Variants in ZGRF1 observed in about 807,000 individuals in gnomAD.
ZGRF1 encodes the protein 5'-3' DNA helicase ZGRF1.
Under a neutral mutation model 203.5 loss-of-function variants are expected in ZGRF1, and 196 were observed. The ratio of observed to expected loss-of-function variants is 0.96; its 90% confidence interval spans 0.86 to 1.08. The LOEUF is 1.08. ZGRF1 is among the 50% of genes least tolerant of loss of function. The pLI is 0.00. For missense variants in ZGRF1, 2,326 were observed against 2,416.3 expected, an observed-to-expected ratio of 0.96 and a Z score of 0.78; for synonymous variants, 809 against 841.3, an observed-to-expected ratio of 0.96 and a Z score of 0.66.
At chr4:112,631,575 G>A (rs2047411068) in intron 3 of ZGRF1, among the ~76,000 whole-genome samples, 1 of 152,098 alleles carries the variant, frequency 6.6e-6, no homozygotes, top group South Asian at 2.1e-4. Flanking sequence ...GGGAGGCTGA[G>A]GCAGGAGAAT....
At position 112,617,952 on chromosome 4, in the gene ZGRF1, T is replaced by C. The variant is rs921759801; in HGVS notation, c.2090A>G (p.Gln697Arg). The stretch of plus-strand genomic sequence containing the variant: ...AAATAGATTACTGTTTTCAGCAATC[T>C]GGTTTTGAATATGAGGAATATGTAA... ...MNLHIPHIQN[Q>R]IAENSNLFSE... The change falls in exon 6 of 28, where the codon CAG becomes CGG. Residue 697 changes from glutamine to arginine, a missense_variant. Physicochemically the swap from Gln to Arg is conservative, Grantham distance 43. Coordinates refer to ENST00000505019, the MANE Select transcript of ZGRF1 (RefSeq NM_018392.5). 1 of 1,613,332 alleles carries C rather than the reference T, an allele frequency of 6.2e-7. No individual in the cohort carries two copies. Among genetic ancestry groups the C allele is most frequent in the Non-Finnish European group, 8.5e-7 (1 of 1,179,932 alleles).
rs537641053 is a variant in ZGRF1, at chr4:112,585,800, T to C, written c.3917-75A>G. On this transcript the variant is annotated intron_variant, in intron 13 of 27. Coordinates refer to ENST00000505019, the MANE Select transcript of ZGRF1 (RefSeq NM_018392.5). ...GTTTGTATCACATATGTGCTGTTTG[T>C]AGCTAAATTTGAATAGCCTTTAAAC... The C allele has an allele frequency of 7.4e-6, 8 of 1,081,642 alleles. No individual in the cohort carries two copies. The African/African-American group carries it at 8.1e-5, about 11-fold the overall frequency. The allele number at this position is 1,081,642 out of a possible 1,614,324, so 67.0% of individuals were successfully genotyped here.
chr4:112,610,995 GT>G, intron 7 of ZGRF1: 2 of 250,698 alleles, frequency 8.0e-6, no homozygotes, highest in Non-Finnish European at 1.6e-5. Flanking sequence ...GGCAGGGTAG[GT>G]TTTATTTTTT....
At chr4:112,597,427 G>A (rs759708356) in intron 10 of ZGRF1, among the ~76,000 whole-genome samples, 1 of 152,000 alleles carries the variant, frequency 6.6e-6, no homozygotes, top group Non-Finnish European at 1.5e-5. Context: ...AGGAGGCTGA[G>A]GCAGGAGGTT....
At chr4:112,588,685 T>C (rs915417646) in intron 11 of ZGRF1, among the ~76,000 whole-genome samples, 1 of 152,164 alleles carries the variant, frequency 6.6e-6, no homozygotes, top group African/African-American at 2.4e-5. Context: ...AAGCTTATAG[T>C]TTTTATCTGA....
At chr4:112,621,406 T>C (rs1178126180) in intron 4 of ZGRF1, among the ~76,000 whole-genome samples, 1 of 152,036 alleles carries the variant, frequency 6.6e-6, no homozygotes, top group African/African-American at 2.4e-5. Context: ...TCCTAGCACT[T>C]TGGGAGGCCG....
chr4:112,597,451 G>A (rs1749218358), intron 10 of ZGRF1, among the ~76,000 whole-genome samples: 1 of 151,902 alleles, frequency 6.6e-6, no homozygotes, highest in African/African-American at 2.4e-5. Context: ...TTGGGCCCAG[G>A]AGTTTGAGGC....
intron 4 of ZGRF1, among the ~76,000 whole-genome samples, chr4:112,621,070 T>G (rs2047045927): frequency 6.6e-6 from 1 of 152,054 alleles, no homozygotes; most frequent in African/African-American, 2.4e-5. Context: ...TATTACATAC[T>G]GGGGACCTAT....
intron 7 of ZGRF1, among the ~76,000 whole-genome samples, chr4:112,609,692 G>C (rs1337281000): frequency 6.6e-6 from 1 of 151,952 alleles, no homozygotes; most frequent in Non-Finnish European, 1.5e-5. Context: ...CAGCTACTCA[G>C]GAGGCTTAGG....
At chr4:112,571,012 G>A (rs369732355) in intron 16 of ZGRF1, among the ~76,000 whole-genome samples, 3 of 151,532 alleles carry the variant, frequency 2.0e-5, no homozygotes, top group Non-Finnish European at 2.9e-5. Context: ...GCTGAGGCAG[G>A]AGAATCACTT....
Position 112,541,181 on chromosome 4 carries a change from G to T in ZGRF1, c.5686C>A (p.Leu1896Ile), listed in dbSNP as rs751500107. ...TCTATTTCTGTTACACCATTCATGA[G>T]GGCTCCTTTGTAAAACAGATCATTA... ...IANDLFYKGA[L>I]MNGVTEIERS... Residue 1896 changes from leucine to isoleucine, a missense_variant, in exon 25 of 28, where the codon CTC becomes ATC. Physicochemically the swap from Leu to Ile is conservative, Grantham distance 5 (BLOSUM62 2). Transcript: ENST00000505019. 6.2e-7 allele frequency: 1 copy of T among 1,612,262 alleles called. No individual in the cohort carries two copies.
chr4:112,599,554 T>TAA (rs558887822), intron 10 of ZGRF1, among the ~76,000 whole-genome samples: 1 of 127,848 alleles, frequency 7.8e-6, no homozygotes, highest in African/African-American at 2.9e-5. Flanking sequence ...ACCCTGTGTC[T>TAA]AAAAAAAAAA....
At chr4:112,625,666 G>A (rs1479892892) in intron 3 of ZGRF1, among the ~76,000 whole-genome samples, 2 of 151,548 alleles carry the variant, frequency 1.3e-5, no homozygotes, top group Non-Finnish European at 2.9e-5. Flanking sequence ...GGAGGCTGAG[G>A]CGGGCAGATC....
At chr4:112,599,590 T>C (rs1422007902) in intron 10 of ZGRF1, among the ~76,000 whole-genome samples, 1 of 148,786 alleles carries the variant, frequency 6.7e-6, no homozygotes, top group African/African-American at 2.5e-5. Context: ...GGCATGGTGG[T>C]GTGTGCCTAC....
chr4:112,582,041 C>G (rs1387667246), intron 15 of ZGRF1, among the ~76,000 whole-genome samples: 1 of 151,994 alleles, frequency 6.6e-6, no homozygotes, highest in Non-Finnish European at 1.5e-5. Flanking sequence ...ACCTCGTGTG[C>G]TTTTTAAAAT....
chr4:112,563,185 C>T lies in ZGRF1; in HGVS notation c.4528G>A (p.Glu1510Lys). 4 of 1,547,770 alleles carry T rather than the reference C, an allele frequency of 2.6e-6. No individual in the cohort carries two copies. Among genetic ancestry groups the T allele is most frequent in the Non-Finnish European group, 3.5e-6 (4 of 1,143,620 alleles). The stretch of plus-strand genomic sequence containing the variant: ...CCTTTCAAAGGCAGTATTTCTATCT[C>T]ATTGATAGATGATGGTCCAAAGAAA... ...SAFFGPSSIN[E>K]IEILPLKGYF... The change falls in exon 17 of 28, where the codon GAG (glutamate) becomes AAG (lysine). Residue 1510 changes from glutamate (E) to lysine (K), a missense_variant. Glu to Lys is a moderately conservative substitution (Grantham distance 56, BLOSUM62 1). Transcript: ENST00000505019.
At chr4:112,568,680 C>T (rs1578307121) in intron 16 of ZGRF1, among the ~76,000 whole-genome samples, 1 of 136,452 alleles carries the variant, frequency 7.3e-6, no homozygotes, top group Non-Finnish European at 1.5e-5. Flanking sequence ...CACTGCATTC[C>T]AGCCCGGGTG....
intron 17 of ZGRF1, 26 bp from the exon 18 acceptor site, chr4:112,562,511 C>A: frequency 4.4e-6 from 6 of 1,357,610 alleles, no homozygotes; most frequent in Non-Finnish European, 6.2e-6. Context: ...AGAAAATAAA[C>A]ATTTGATGTA....
At chr4:112,581,938 T>C in intron 15 of ZGRF1, 136 bp from the exon 16 acceptor site, 1 of 408,370 alleles carries the variant, frequency 2.4e-6, no homozygotes. Context: ...AAAATATAAA[T>C]ATACTGTATC....
Sources: allele counts gnomAD v4.1 joint callset (sites outside exome capture counted in the v4.1 genomes callset), GRCh38; gene constraint gnomAD v4.1.1; transcripts MANE v1.5; gene names NCBI Gene and HGNC (gene_info 2026-07-23, HGNC 2026-07-21).